The following XKR4 variants were observed in gnomAD, a reference collection of about 807,000 sequenced individuals.
The protein encoded by XKR4 is XK related 4.
Under a neutral mutation model 53.9 loss-of-function variants are expected in XKR4, and 12 were observed. The ratio of observed to expected loss-of-function variants is 0.22; its 90% CI spans 0.14 to 0.36. The LOEUF (loss-of-function observed/expected upper bound fraction) is 0.36, where lower values mean the gene tolerates loss of function less well. XKR4 is among the 10% of genes least tolerant of loss of function. The probability of loss-of-function intolerance (pLI) is 1.00; values close to 1 mark genes in which losing one functional copy is unlikely to be tolerated. For missense variants in XKR4, 799 were observed against 859.5 expected (o/e 0.93, Z 0.88); for synonymous variants, 354 against 362.4 (o/e 0.98, Z 0.26).
chr8:55,379,760 G>A (rs962310301), intron 2 of XKR4, among the ~76,000 whole-genome samples: 1 of 152,180 alleles, frequency 6.6e-6, no homozygotes, highest in African/African-American at 2.4e-5. Flanking sequence ...CACTCCACCC[G>A]GAGCATAGGG....
intron 2 of XKR4, among the ~76,000 whole-genome samples, chr8:55,431,365 G>A (rs1471373315): frequency 6.6e-6 from 1 of 152,202 alleles, no homozygotes; most frequent in Non-Finnish European, 1.5e-5. Context: ...TACATTGAAT[G>A]AGAATTTATT....
At chr8:55,303,519 G>A (rs1388318269) in intron 1 of XKR4, among the ~76,000 whole-genome samples, 1 of 152,200 alleles carries the variant, frequency 6.6e-6, no homozygotes, top group African/African-American at 2.4e-5. Context: ...CATAAAATGA[G>A]TTAAGGAGGA....
At chr8:55,118,742 TTTTAA>T (rs1563460670) in intron 1 of XKR4, among the ~76,000 whole-genome samples, 1 of 152,242 alleles carries the variant, frequency 6.6e-6, no homozygotes, top group African/African-American at 2.4e-5. Flanking sequence ...CTGGTCCTTA[TTTTAA>T]TTTCTTTGTA....
rs1005967363 is a variant in XKR4 at position 55,214,090 on chromosome 8, G to A, written c.806+110796G>A. On this transcript the variant is annotated intron_variant, in intron 1 of 2. Coordinates refer to ENST00000327381, the MANE Select transcript of XKR4 (RefSeq NM_052898.2). Reference sequence around the variant, plus strand: ...TTGGCCTGGCTGGTCTCGAATTCCTGCCCTCTAGTGATTTGCCTGTCTCAG... The same window carrying A: ...TTGGCCTGGCTGGTCTCGAATTCCTACCCTCTAGTGATTTGCCTGTCTCAG... Among the ~76,000 whole-genome samples, 8 of 152,080 alleles carry A rather than the reference G, an allele frequency of 5.3e-5. No individual in the cohort carries two copies. In the East Asian group the frequency reaches 1.5e-3, roughly 29 times the overall value.
intron 1 of XKR4, among the ~76,000 whole-genome samples, chr8:55,299,061 C>T (rs1449204357): frequency 6.6e-6 from 1 of 152,160 alleles, no homozygotes; most frequent in African/African-American, 2.4e-5. Context: ...CAAACAGGGT[C>T]CAGCCCAGGA....
intron 2 of XKR4, among the ~76,000 whole-genome samples, chr8:55,400,249 T>C (rs1490575105): frequency 6.6e-6 from 1 of 152,094 alleles, no homozygotes; most frequent in Non-Finnish European, 1.5e-5. Context: ...TCATGATGGG[T>C]GCCACTCCTA....
chr8:55,352,813 C>G (rs976386955), intron 1 of XKR4, among the ~76,000 whole-genome samples: 7 of 151,986 alleles, frequency 4.6e-5, no homozygotes, highest in African/African-American at 1.7e-4. Flanking sequence ...AAGAATCTGA[C>G]TTTAGTAAAG....
chr8:55,392,306 G>C (rs184510673), intron 2 of XKR4, among the ~76,000 whole-genome samples: 1 of 152,270 alleles, frequency 6.6e-6, no homozygotes, highest in Admixed American at 6.5e-5. Flanking sequence ...CACAGGCTGA[G>C]ACTGGAGCAT....
At chr8:55,355,145 C>A (rs1455299700) in intron 1 of XKR4, among the ~76,000 whole-genome samples, 11 of 151,666 alleles carry the variant, frequency 7.3e-5, no homozygotes, top group Non-Finnish European at 1.0e-4. Context: ...CTCAGGTGGT[C>A]CGCCCACCTC....
intron 2 of XKR4, among the ~76,000 whole-genome samples, chr8:55,377,241 C>T (rs868089758): frequency 2.6e-5 from 4 of 152,196 alleles, no homozygotes; most frequent in Non-Finnish European, 4.4e-5. Context: ...GTGCACTCCT[C>T]TACTTCTCTG....
chr8:55,385,354 T>C (rs1445124485), intron 2 of XKR4, among the ~76,000 whole-genome samples: 1 of 152,164 alleles, frequency 6.6e-6, no homozygotes, highest in Non-Finnish European at 1.5e-5. Flanking sequence ...GCTCCTCCCA[T>C]TTTCGTCTGG....
At chr8:55,202,479 T>G (rs1817588746) in intron 1 of XKR4, among the ~76,000 whole-genome samples, 1 of 152,194 alleles carries the variant, frequency 6.6e-6, no homozygotes, top group East Asian at 1.9e-4. Flanking sequence ...GGCCAACAAT[T>G]AACATTTCAG....
intron 1 of XKR4, among the ~76,000 whole-genome samples, chr8:55,337,338 G>C (rs1803476693): frequency 1.3e-5 from 2 of 152,204 alleles, no homozygotes; most frequent in Non-Finnish European, 2.9e-5. Context: ...TGTTTGTTTT[G>C]CTCACCAGTT....
intron 1 of XKR4, among the ~76,000 whole-genome samples, chr8:55,340,184 A>G (rs1209089460): frequency 1.3e-5 from 2 of 152,248 alleles, no homozygotes. Context: ...AAAGACAAGA[A>G]CAAAAGAAAT....
chr8:55,248,489 A>C (rs28631541), intron 1 of XKR4, among the ~76,000 whole-genome samples: 52,905 of 152,120 alleles, frequency 0.35, 10,537 homozygotes, highest in Middle Eastern at 0.47. Flanking sequence ...CATGTTTCTC[A>C]GTCAGTGATA....
intron 1 of XKR4, among the ~76,000 whole-genome samples, chr8:55,231,186 C>T (rs1818034246): frequency 6.6e-6 from 1 of 152,184 alleles, no homozygotes; most frequent in African/African-American, 2.4e-5. Context: ...GTCTCATAAA[C>T]TCAAAATTAA....
intron 1 of XKR4, among the ~76,000 whole-genome samples, chr8:55,307,568 C>T (rs555748008): frequency 7.9e-5 from 12 of 151,946 alleles, no homozygotes; most frequent in Admixed American, 4.6e-4. Flanking sequence ...GTGGAAGGAT[C>T]GCTTGAGCCT....
At chr8:55,473,162 A>G (rs1026264375) in intron 2 of XKR4, among the ~76,000 whole-genome samples, 89 of 152,098 alleles carry the variant, frequency 5.9e-4, no homozygotes, top group Non-Finnish European at 1.0e-4. Flanking sequence ...TAGAGTAAAT[A>G]TAGCTTCAGC....
intron 1 of XKR4, among the ~76,000 whole-genome samples, chr8:55,289,591 G>GAGAAAGAA (rs747365935): frequency 0.062 from 4,188 of 67,024 alleles, 218 homozygotes; most frequent in Middle Eastern, 0.083. Flanking sequence ...AAGAAAGAAA[G>GAGAAAGAA]AGAAAGAAAG....
Sources: allele counts gnomAD v4.1 joint callset (sites outside exome capture counted in the v4.1 genomes callset), GRCh38; gene constraint gnomAD v4.1.1; transcripts MANE v1.5; gene names NCBI Gene and HGNC (gene_info 2026-07-23, HGNC 2026-07-21).